NPAT: variants seen among roughly 807,000 people sequenced by gnomAD.
NPAT encodes the protein protein NPAT.
Under a neutral mutation model 130.7 loss-of-function variants are expected in NPAT, and 52 were observed. The ratio of observed to expected loss-of-function variants is 0.40; its 90% CI spans 0.32 to 0.50. The LOEUF (loss-of-function observed/expected upper bound fraction) is 0.50, where lower values mean the gene tolerates loss of function less well. Ranked by LOEUF, NPAT falls within the 20% of genes least tolerant of loss-of-function variation. NPAT has a pLI of 0.68. For missense variants in NPAT, 1,687 were observed against 1,662.6 expected (o/e 1.01, Z -0.26); for synonymous variants, 580 against 584.8 (o/e 0.99, Z 0.12).
rs1431863347 is a variant in NPAT, at chr11:108,161,602, T to C, written c.3484A>G (p.Lys1162Glu). 6.2e-7 allele frequency: 1 copy of C among 1,614,202 alleles called. No homozygotes were observed. The highest frequency in any genetic ancestry group is 1.1e-5 in the South Asian group (1 of 91,086). The change falls in exon 17 of 18, where the codon AAA (lysine) becomes GAA (glutamate). Residue 1162 changes from lysine (K) to glutamate (E), a missense_variant. Lys to Glu is a moderately conservative substitution (Grantham distance 56). Around this residue, in one of 3 missense-constraint regions of NPAT, gnomAD observed 1,379 missense variants for 1,346.6 expected, o/e 1.02. Transcript: ENST00000278612. ...TCATTCTCCTTATTAGCTGTTGCTT[T>C]ATGGAAAGATTCAAGCACAATTTCT... ...PTEIVLESFH[K>E]ATANKENELC...
At chr11:108,169,628 G>A (rs2077931194) in intron 15 of NPAT, 116 bp downstream of exon 15, 2 of 783,990 alleles carry the variant, frequency 2.6e-6, no homozygotes, top group Admixed American at 3.9e-5. Flanking sequence ...AGCAAATGTA[G>A]GGTGATCACT....
rs974525341 is a variant in NPAT at position 108,172,647 on chromosome 11, T to C, written c.2337A>G (p.Ser779=). ...PTIILSSPTK[S]PTKNAELVKC... ...TAACTAGTTCTGCATTTTTAGTAGG[T>C]GATTTAGTAGGAGAAGACAAGATTA... Residue 779 remains serine, a synonymous_variant, in exon 13 of 18, where the codon TCA becomes TCG. Transcript: ENST00000278612. 2.5e-6 allele frequency: 4 copies of C among 1,614,116 alleles called. No homozygotes were observed. In the African/African-American group the frequency reaches 4.0e-5, roughly 16 times the overall value.
At chr11:108,179,564 A>G (rs1005562712) in intron 10 of NPAT, among the ~76,000 whole-genome samples, 7 of 152,208 alleles carry the variant, frequency 4.6e-5, no homozygotes, top group Non-Finnish European at 8.8e-5. Context: ...GAAGCCTTAC[A>G]TTTAAATCTT....
At chr11:108,200,746 G>A (rs2078268662) in intron 1 of NPAT, among the ~76,000 whole-genome samples, 1 of 152,268 alleles carries the variant, frequency 6.6e-6, no homozygotes, top group Middle Eastern at 3.4e-3. Context: ...ACAAAGGAAG[G>A]AGACTGGTCC....
chr11:108,202,664 G>C (rs958514066), intron 1 of NPAT, among the ~76,000 whole-genome samples: 1 of 152,130 alleles, frequency 6.6e-6, no homozygotes, highest in African/African-American at 2.4e-5. Flanking sequence ...ACTAATGCTT[G>C]TGAGACTTGC....
At chr11:108,181,290 C>G (rs538083658) in intron 10 of NPAT, among the ~76,000 whole-genome samples, 4 of 152,240 alleles carry the variant, frequency 2.6e-5, no homozygotes, top group South Asian at 4.1e-4. Flanking sequence ...ATGGCAAAAC[C>G]CTGTCTCTAC....
At chr11:108,210,429 C>G (rs956179230) in intron 1 of NPAT, among the ~76,000 whole-genome samples, 4 of 152,142 alleles carry the variant, frequency 2.6e-5, no homozygotes, top group Admixed American at 2.0e-4. Flanking sequence ...CTCTTTCTCT[C>G]TTGCTCTCAC....
rs751084459 is a variant in NPAT at position 108,177,100 on chromosome 11, A to C, written c.907-10T>G. The stretch of plus-strand genomic sequence containing the variant: ...ACATGTGAATTTCACTCTGCAAGAA[A>C]GGAGTGGCGTGAAGGCATGATTCTA... On this transcript the variant is annotated splice_polypyrimidine_tract_variant and intron_variant, in intron 10 of 17. Transcript: ENST00000278612. 3 of 1,525,092 alleles carry C rather than the reference A, an allele frequency of 2.0e-6. No homozygotes were observed. In the African/African-American group the frequency reaches 4.1e-5, roughly 21 times the overall value. 94.5% of individuals were successfully genotyped at this position (1,525,092 alleles called of 1,614,324 possible).
chr11:108,218,211 C>G (rs1006275001), intron 1 of NPAT, among the ~76,000 whole-genome samples: 1 of 152,100 alleles, frequency 6.6e-6, no homozygotes, highest in African/African-American at 2.4e-5. Context: ...TCCTTCTTAA[C>G]ATAATATTAT....
chr11:108,217,159 G>A (rs1441227175), intron 1 of NPAT, among the ~76,000 whole-genome samples: 2 of 152,054 alleles, frequency 1.3e-5, no homozygotes, highest in Non-Finnish European at 2.9e-5. Flanking sequence ...AATTATTACA[G>A]TGTGAGCATG....
Position 108,173,122 on chromosome 11 carries a change from A to G in NPAT, c.1862T>C (p.Val621Ala), listed in dbSNP as rs201987106. Residue 621 changes from valine (V) to alanine (A), a missense_variant, in exon 13 of 18, where the codon GTA (valine) becomes GCA (alanine). Transcript: ENST00000278612. Reference protein sequence around the residue: ...ESSHLNVSGQVEIHLGDSLSS... With the variant: ...ESSHLNVSGQAEIHLGDSLSS... Reference sequence around the variant, plus strand: ...CAGCGAATCTCCAAGATGAATTTCTACTTGTCCAGATACATTTAAATGTGA... The same window carrying G: ...CAGCGAATCTCCAAGATGAATTTCTGCTTGTCCAGATACATTTAAATGTGA... The G allele has an allele frequency of 4.6e-4, 740 of 1,613,992 alleles. 8 individuals are homozygous for G. The South Asian group carries it at 7.8e-3, about 17-fold the overall frequency.
Position 108,173,034 on chromosome 11 carries a change from T to G in NPAT, c.1950A>C (p.Glu650Asp). Residue 650 changes from glutamate (E) to aspartate (D), a missense_variant, in exon 13 of 18, where the codon GAA becomes GAC. By Grantham distance (45) the Glu-to-Asp change is conservative. This residue lies in a region of NPAT where 1,379 missense variants were observed against 1,346.6 expected (regional missense o/e 1.02). Coordinates refer to ENST00000278612, the MANE Select transcript of NPAT (RefSeq NM_002519.3). Reference sequence around the variant, plus strand: ...AATTCTCAGACTTGGATGCCTGAGCTTCATTTTCTGTATGATTTAACTCAA... The same window carrying G: ...AATTCTCAGACTTGGATGCCTGAGCGTCATTTTCTGTATGATTTAACTCAA... ...ASVELNHTEN[E>D]AQASKSENSQ... 1 of 1,614,030 alleles carries G rather than the reference T, an allele frequency of 6.2e-7. No homozygotes were observed. Among genetic ancestry groups the G allele is most frequent in the South Asian group, 1.1e-5 (1 of 91,082 alleles).
intron 1 of NPAT, among the ~76,000 whole-genome samples, chr11:108,204,488 G>A (rs1029765173): frequency 5.3e-5 from 8 of 152,140 alleles, no homozygotes; most frequent in African/African-American, 1.7e-4. Flanking sequence ...TTTCCACCTT[G>A]CTCAGTCTCT....
At chr11:108,193,929 CAA>C (rs764214298) in intron 3 of NPAT, 26 bp downstream of exon 3, 2 of 1,386,274 alleles carry the variant, frequency 1.4e-6, no homozygotes, top group South Asian at 2.3e-5. Context: ...TATACATCAG[CAA>C]AAAAACTCCA....
intron 1 of NPAT, among the ~76,000 whole-genome samples, chr11:108,200,538 T>C (rs895571924): frequency 3.3e-5 from 5 of 152,026 alleles, no homozygotes; most frequent in Non-Finnish European, 2.9e-5. Context: ...GAAAGGAAAA[T>C]TGGTGCAGCC....
intron 15 of NPAT, 78 bp from the exon 16 acceptor site, chr11:108,162,258 A>ATAAAATTT: frequency 7.6e-7 from 1 of 1,310,604 alleles, no homozygotes; most frequent in Non-Finnish European, 1.1e-6. Flanking sequence ...CAATTATCAC[A>ATAAAATTT]TATCATGAGA....
At chr11:108,177,764 G>A (rs1239326751) in intron 10 of NPAT, among the ~76,000 whole-genome samples, 1 of 151,976 alleles carries the variant, frequency 6.6e-6, no homozygotes, top group Non-Finnish European at 1.5e-5. Context: ...CACCCAAGCT[G>A]GAGTGGAATG....
At chr11:108,174,284 A>G (rs2077983480) in intron 12 of NPAT, among the ~76,000 whole-genome samples, 1 of 151,982 alleles carries the variant, frequency 6.6e-6, no homozygotes, top group Non-Finnish European at 1.5e-5. Flanking sequence ...CTTATCTGAC[A>G]TATTCTTAAA....
chr11:108,177,295 C>T (rs909494341), intron 10 of NPAT, among the ~76,000 whole-genome samples: 1 of 152,002 alleles, frequency 6.6e-6, no homozygotes, highest in Admixed American at 6.6e-5. Context: ...GCTGGGACTA[C>T]AAGTGCACCA....
Sources: gnomAD v4.1 joint callset for allele counts (sites outside exome capture counted in the v4.1 genomes callset) on GRCh38, gnomAD v4.1.1 for gene constraint, gnomAD v4.1.1 regional missense constraint, MANE v1.5 for transcripts, NCBI Gene and HGNC (gene_info 2026-07-23, HGNC 2026-07-21) for gene names.